The following PLAGL1 variants were observed in gnomAD, a reference collection of about 807,000 sequenced individuals.
PLAGL1 encodes zinc finger protein PLAGL1.
A neutral mutation model predicts 4.6 loss-of-function variants in PLAGL1; 1 was observed. That is an observed-to-expected ratio of 0.22 (90% CI 0.08 to 1.03). The LOEUF (loss-of-function observed/expected upper bound fraction) is 1.03. Ranked by LOEUF, PLAGL1 falls within the 50% of genes least tolerant of loss-of-function variation. PLAGL1 has a pLI of 0.58. For missense variants in PLAGL1, 464 were observed against 570.4 expected, an observed-to-expected ratio of 0.81 and a Z score of 1.90; for synonymous variants, 240 against 237.8, an observed-to-expected ratio of 1.01 and a Z score of -0.08.
At chr6:144,062,470 CAAAA>C (rs543521128) in intron 1 of PLAGL1, among the ~76,000 whole-genome samples, 13,716 of 75,708 alleles carry the variant, frequency 0.18, 636 homozygotes, top group East Asian at 0.3. Context: ...GTTATCAGAC[CAAAA>C]AAAAAAAAAA....
chr6:143,948,233 G>T lies in PLAGL1; in HGVS notation c.-97C>A. On this transcript the variant is annotated 5_prime_UTR_variant, in exon 7 of 8. Coordinates refer to ENST00000674357, the MANE Select transcript of PLAGL1 (RefSeq NM_001317162.2). This position sits in a 1 kb window ranked among gnomAD's most constrained non-coding sequence, Gnocchi z 6.0. ...CGATGGTGCTGGGCACATCAGCAGAGTCCCTGCAGCTGAACTCCAGACCAC... is the reference window on the plus strand; with the variant it reads ...CGATGGTGCTGGGCACATCAGCAGATTCCCTGCAGCTGAACTCCAGACCAC... 8.6e-7 allele frequency: 1 copy of T among 1,158,248 alleles called. No individual in the cohort carries two copies. The highest frequency in any genetic ancestry group is 1.3e-6 in the Non-Finnish European group (1 of 795,768). The allele number at this position is 1,158,248 out of a possible 1,614,324, so 71.7% of individuals were successfully genotyped here.
intron 2 of PLAGL1, among the ~76,000 whole-genome samples, 181 bp from the exon 3 acceptor site, chr6:143,969,159 C>T (rs1489244204): frequency 6.6e-6 from 1 of 151,984 alleles, no homozygotes; most frequent in Non-Finnish European, 1.5e-5. Flanking sequence ...CCAGAGGCAC[C>T]CATTTGAGTC....
In PLAGL1 at chr6:143,950,283, C is replaced by T. The variant is rs1780765061; in HGVS notation, c.-324-1823G>A. Among the ~76,000 whole-genome samples, 2 of 152,186 alleles carry T rather than the reference C, an allele frequency of 1.3e-5. No individual in the cohort carries two copies. The highest frequency in any genetic ancestry group is 4.8e-5 in the African/African-American group (2 of 41,430). On this transcript the variant is annotated intron_variant, in intron 6 of 7. Coordinates refer to ENST00000674357, the MANE Select transcript of PLAGL1 (RefSeq NM_001317162.2). The surrounding 1 kb of genome is among the most constrained non-coding windows in gnomAD (Gnocchi z 6.3). The stretch of plus-strand genomic sequence containing the variant: ...TGTGTGACTTTAACTAATTACCTGT[C>T]CCGGCTCTGCCCAAACCCCTTTCCC...
rs1470770018 is a variant in PLAGL1, at chr6:143,940,591, C to A, written c.*833G>T. On this transcript the variant is annotated 3_prime_UTR_variant, in exon 8 of 8. Coordinates refer to ENST00000674357, the MANE Select transcript of PLAGL1 (RefSeq NM_001317162.2). ...TAAGCTAGACAGAGCAAAGAAAATT[C>A]TTGTTTAATATATATATATTTTTAA... 6.6e-6 allele frequency: 1 copy of A among 152,226 alleles called. No homozygotes were observed. Among genetic ancestry groups the A allele is most frequent in the East Asian group, 1.9e-4 (1 of 5,202 alleles). The allele number at this position is 152,226 out of a possible 1,614,324, so 9.4% of individuals were successfully genotyped here.
intron 1 of PLAGL1, among the ~76,000 whole-genome samples, chr6:144,019,790 T>TA (rs112007022): frequency 0.87 from 125,988 of 144,270 alleles, 55,061 homozygotes; most frequent in East Asian, 0.96. Flanking sequence ...AAAAGTTACT[T>TA]AAAAAAAAAA....
rs183417983 is a variant in PLAGL1 at position 143,998,889 on chromosome 6, A to C, written c.-584+9201T>G. Among the ~76,000 whole-genome samples the C allele has an allele frequency of 3.9e-3, 587 of 152,338 alleles. 2 individuals carry two copies. The highest frequency in any genetic ancestry group is 6.6e-3 in the Non-Finnish European group (446 of 68,028). The stretch of plus-strand genomic sequence containing the variant: ...TTAGGACCACCTGTGCCACTGGATT[A>C]GTTTTGAGAAATCGGAGAAGGCCAG... On this transcript the variant is annotated intron_variant, in intron 1 of 7. Transcript: ENST00000674357.
At chr6:144,011,684 G>A (rs372450175), upstream of PLAGL1, among the ~76,000 whole-genome samples, 8 of 152,074 alleles carry the variant, frequency 5.3e-5, no homozygotes, top group Non-Finnish European at 8.8e-5. This position sits in a 1 kb window ranked among gnomAD's most constrained non-coding sequence, Gnocchi z 4.3. Context: ...AAGGTTTTTC[G>A]GACAAGGAGA....
intron 1 of PLAGL1, among the ~76,000 whole-genome samples, chr6:144,041,789 T>C (rs148659001): frequency 0.016 from 2,382 of 152,318 alleles, 60 homozygotes; most frequent in African/African-American, 0.054. Context: ...TGTACTAGTT[T>C]ACACTCCCAA....
rs925875348 is a variant in PLAGL1 at position 144,013,591 on chromosome 6, G to A, written c.-150-44613C>T. Among the ~76,000 whole-genome samples the A allele has an allele frequency of 6.6e-6, 1 of 152,220 alleles. No individual in the cohort carries two copies. Among genetic ancestry groups the A allele is most frequent in the Non-Finnish European group, 1.5e-5 (1 of 68,032 alleles). On this transcript the variant is annotated intron_variant, in intron 1 of 3. Coordinates refer to the PLAGL1 transcript ENST00000437412. This position sits in a 1 kb window ranked among gnomAD's most constrained non-coding sequence, Gnocchi z 4.4. Reference sequence around the variant, plus strand: ...TGAAATCAAGATATCAGCAAAGGCCGCAGGCGCCATCTAGTGGCTCTAGTG... The same window carrying A: ...TGAAATCAAGATATCAGCAAAGGCCACAGGCGCCATCTAGTGGCTCTAGTG...
In PLAGL1 at chr6:143,940,942, C is replaced by A. The variant is rs544894567; in HGVS notation, c.*482G>T. On this transcript the variant is annotated 3_prime_UTR_variant, in exon 8 of 8. Transcript: ENST00000674357. ...GTAATAGTAACTAAACTACATCCAA[C>A]CCTGAAGGTAGAAAAATCCCTGAAA... 1 of 152,712 alleles carries A rather than the reference C, an allele frequency of 6.5e-6. No homozygotes were observed. The highest frequency in any genetic ancestry group is 1.5e-5 in the Non-Finnish European group (1 of 68,122). The allele number at this position is 152,712 out of a possible 1,614,324, so 9.5% of individuals were successfully genotyped here. A position where few individuals can be genotyped will look rare whatever the true frequency, so the allele number is the denominator to read the frequency against.
rs552411273 is a variant in PLAGL1 at position 144,000,548 on chromosome 6, T to A, written c.-584+7542A>T. ...AGGACATGTGAGATAAATGAAAAAA[T>A]TGAGTATTGCAAATATACCCATTCT... On this transcript the variant is annotated intron_variant, in intron 1 of 7. Transcript: ENST00000674357. This position sits in a 1 kb window ranked among gnomAD's most constrained non-coding sequence, Gnocchi z 4.1. 6.4e-4 allele frequency among the ~76,000 whole-genome samples: 98 copies of A among 152,144 alleles called. No individual in the cohort carries two copies. Among genetic ancestry groups the A allele is most frequent in the South Asian group, 1.2e-3 (6 of 4,824 alleles).
At chr6:144,054,371 G>A (rs1409606067) in intron 1 of PLAGL1, among the ~76,000 whole-genome samples, 5 of 152,152 alleles carry the variant, frequency 3.3e-5, no homozygotes, top group Non-Finnish European at 7.3e-5. Context: ...ATGATGGACT[G>A]GATAAAGAAA....
chr6:143,954,333 A>C lies in PLAGL1; in HGVS notation c.-324-5873T>G, dbSNP rs1163260186. 6.6e-6 allele frequency among the ~76,000 whole-genome samples: 1 copy of C among 152,204 alleles called. No homozygotes were observed. The highest frequency in any genetic ancestry group is 1.5e-5 in the Non-Finnish European group (1 of 68,034). ...GGGGGAAGGAAACTTCAAAAATAAT[A>C]ATCATTAATATCCTAGAGAGAACAG... On this transcript the variant is annotated intron_variant, in intron 6 of 7. Transcript: ENST00000674357. This position sits in a 1 kb window ranked among gnomAD's most constrained non-coding sequence, Gnocchi z 5.1.
At position 143,964,022 on chromosome 6, in the gene PLAGL1, C is replaced by A. The variant is rs2268450; in HGVS notation, c.-399+765G>T. On this transcript the variant is annotated intron_variant, in intron 5 of 7. Transcript: ENST00000674357. This position sits in a 1 kb window ranked among gnomAD's most constrained non-coding sequence, Gnocchi z 4.3. ...GAAATTCTGCTGGACTTCTGGGAGGCGAGAAGGAGAAGCAGAGGAGAAGCT... is the reference window on the plus strand; with the variant it reads ...GAAATTCTGCTGGACTTCTGGGAGGAGAGAAGGAGAAGCAGAGGAGAAGCT... Among the ~76,000 whole-genome samples, 30,221 of 151,980 alleles carry A rather than the reference C, an allele frequency of 0.2. 3,523 individuals are homozygous for A. The highest frequency in any genetic ancestry group is 0.24 in the Non-Finnish European group (16,471 of 67,966).
At chr6:143,993,628 T>C (rs1011626162) in intron 1 of PLAGL1, among the ~76,000 whole-genome samples, 1 of 152,152 alleles carries the variant, frequency 6.6e-6, no homozygotes, top group African/African-American at 2.4e-5. Flanking sequence ...GGATAGATAA[T>C]ATATCCGTTA....
rs1791780695 is a variant in PLAGL1, at chr6:143,997,075, G to A, written c.-584+11015C>T. On this transcript the variant is annotated intron_variant, in intron 1 of 7. Coordinates refer to ENST00000674357, the MANE Select transcript of PLAGL1 (RefSeq NM_001317162.2). The surrounding 1 kb of genome is among the most constrained non-coding windows in gnomAD (Gnocchi z 4.6). ...CATAGAAAAGTCATGAAATCATCAA[G>A]GAAATGCACATGAAAACCATGAGAC... is the stretch of plus-strand genomic sequence containing the variant. 6.6e-6 allele frequency among the ~76,000 whole-genome samples: 1 copy of A among 152,122 alleles called. No individual in the cohort carries two copies. Among genetic ancestry groups the A allele is most frequent in the Non-Finnish European group, 1.5e-5 (1 of 68,024 alleles).
At position 143,995,791 on chromosome 6, in the gene PLAGL1, C is replaced by T. The variant is rs1791478083; in HGVS notation, c.-583-10617G>A. Reference sequence around the variant, plus strand: ...CAGGGATGAAAGAGAAAATTTAACACTTGATGGGCTCAAATCTTAATTATA... The same window carrying T: ...CAGGGATGAAAGAGAAAATTTAACATTTGATGGGCTCAAATCTTAATTATA... On this transcript the variant is annotated intron_variant, in intron 1 of 7. Transcript: ENST00000674357. This position sits in a 1 kb window ranked among gnomAD's most constrained non-coding sequence, Gnocchi z 4.4. Among the ~76,000 whole-genome samples the T allele has an allele frequency of 6.6e-6, 1 of 152,150 alleles. No individual in the cohort carries two copies. The highest frequency in any genetic ancestry group is 2.4e-5 in the African/African-American group (1 of 41,492).
chr6:144,037,543 T>C (rs1416202876), intron 1 of PLAGL1: 1 of 151,966 alleles, frequency 6.6e-6, no homozygotes, highest in African/African-American at 2.4e-5. Context: ...AGCTATCATA[T>C]GATTGTGCCA....
rs925875348 is a variant in PLAGL1 at position 144,013,591 on chromosome 6, G to T, written c.-150-44613C>A. ...TGAAATCAAGATATCAGCAAAGGCCGCAGGCGCCATCTAGTGGCTCTAGTG... is the reference window on the plus strand; with the variant it reads ...TGAAATCAAGATATCAGCAAAGGCCTCAGGCGCCATCTAGTGGCTCTAGTG... On this transcript the variant is annotated intron_variant, in intron 1 of 3. Transcript: ENST00000437412. This position sits in a 1 kb window ranked among gnomAD's most constrained non-coding sequence, Gnocchi z 4.4. Among the ~76,000 whole-genome samples, 3 of 152,220 alleles carry T rather than the reference G, an allele frequency of 2.0e-5. No homozygotes were observed. The highest frequency in any genetic ancestry group is 4.4e-5 in the Non-Finnish European group (3 of 68,032).
Sources: gnomAD v4.1 joint callset for allele counts (sites outside exome capture counted in the v4.1 genomes callset) on GRCh38, gnomAD v4.1.1 for gene constraint, Gnocchi (gnomAD v3.1) non-coding constraint, MANE v1.5 for transcripts, NCBI Gene and HGNC (gene_info 2026-07-23, HGNC 2026-07-21) for gene names.